Variants in TP73 observed in about 807,000 individuals in gnomAD.
The protein encoded by TP73 is p53-like transcription factor.
In TP73, 25 loss-of-function variants were observed where a neutral mutation model predicts 62.5. That is an observed-to-expected ratio of 0.40 (90% confidence interval 0.29 to 0.56). TP73 has a LOEUF of 0.56. Ranked by LOEUF, TP73 falls within the 20% of genes least tolerant of loss-of-function variation. The pLI, the probability that TP73 is intolerant of heterozygous loss-of-function variation, is 0.46. For missense variants in TP73, 754 were observed against 913.3 expected (o/e 0.83, Z 2.25); for synonymous variants, 423 against 377.5 (o/e 1.12, Z -1.40).
At chr1:3,684,738 T>C (rs1029478420) in intron 3 of TP73, among the ~76,000 whole-genome samples, 1 of 152,024 alleles carries the variant, frequency 6.6e-6, no homozygotes, top group African/African-American at 2.4e-5. Flanking sequence ...ATCTGAGGGT[T>C]CGACCGCCTG....
At chr1:3,691,718 G>A (rs1045103887) in intron 3 of TP73, among the ~76,000 whole-genome samples, 13 of 152,216 alleles carry the variant, frequency 8.5e-5, no homozygotes, top group Non-Finnish European at 1.9e-4. Flanking sequence ...ACGTGGGGCC[G>A]TTCCTCCTCC....
At chr1:3,669,114 G>A (rs1645184806) in intron 1 of TP73, among the ~76,000 whole-genome samples, 1 of 152,242 alleles carries the variant, frequency 6.6e-6, no homozygotes, top group Non-Finnish European at 1.5e-5. Flanking sequence ...GGAGCCAGCC[G>A]AGGGCCACTT....
chr1:3,713,173 C>A (rs184024625), intron 4 of TP73, among the ~76,000 whole-genome samples: 26 of 152,346 alleles, frequency 1.7e-4, no homozygotes, highest in African/African-American at 5.5e-4. Flanking sequence ...GGAGAGCTGT[C>A]CCTGTCTGCT....
At chr1:3,716,481 CAG>C (rs758526162) in intron 4 of TP73, among the ~76,000 whole-genome samples, 21 of 152,320 alleles carry the variant, frequency 1.4e-4, no homozygotes, top group Admixed American at 1.2e-3. Flanking sequence ...TGTTCTGAAA[CAG>C]GGGCGATTGC....
chr1:3,702,626 A>G (rs1219373462), intron 3 of TP73, among the ~76,000 whole-genome samples: 1 of 152,184 alleles, frequency 6.6e-6, no homozygotes, highest in Non-Finnish European at 1.5e-5. Context: ...CTGCCCCGCA[A>G]CAAGGCCCTG....
rs887810853 is a variant in TP73, at chr1:3,701,054, G to T, written c.187-6495G>T. 6.6e-6 allele frequency among the ~76,000 whole-genome samples: 1 copy of T among 152,170 alleles called. No individual in the cohort carries two copies. The highest frequency in any genetic ancestry group is 2.4e-5 in the African/African-American group (1 of 41,436). ...GCTTGGGGCTGTGGCCGACATGGCGGGCAGTGGCACACCGTGGCCACTTCC... is the reference window on the plus strand; with the variant it reads ...GCTTGGGGCTGTGGCCGACATGGCGTGCAGTGGCACACCGTGGCCACTTCC... On this transcript the variant is annotated intron_variant, in intron 3 of 13. Coordinates refer to ENST00000378295, the MANE Select transcript of TP73 (RefSeq NM_005427.4). The surrounding 1 kb of genome is among the most constrained non-coding windows in gnomAD (Gnocchi z 4.7).
intron 1 of TP73, among the ~76,000 whole-genome samples, chr1:3,679,204 C>T (rs10910008): frequency 2.5e-3 from 387 of 152,048 alleles, no homozygotes; most frequent in Non-Finnish European, 3.9e-3. Flanking sequence ...GAGAGGGTGT[C>T]GCTTCAGGGG....
chr1:3,721,038 CT>C (rs1641026662), intron 4 of TP73, among the ~76,000 whole-genome samples: 2 of 152,228 alleles, frequency 1.3e-5, no homozygotes, highest in African/African-American at 4.8e-5. Context: ...GGGATCATTC[CT>C]GATGGCCCTT....
chr1:3,731,701 T>A, intron 13 of TP73, 145 bp downstream of exon 13: 1 of 745,396 alleles, frequency 1.3e-6, no homozygotes, highest in Non-Finnish European at 2.2e-6. Context: ...ATGATTTGAC[T>A]CTTGAGAGCT....
At chr1:3,678,321 G>T (rs540059024) in intron 1 of TP73, among the ~76,000 whole-genome samples, 1 of 152,206 alleles carries the variant, frequency 6.6e-6, no homozygotes, top group Non-Finnish European at 1.5e-5. Flanking sequence ...AGGCGGCTGT[G>T]GGCAGAGGGC....
At chr1:3,668,291 C>A (rs1645165368) in intron 1 of TP73, among the ~76,000 whole-genome samples, 1 of 152,190 alleles carries the variant, frequency 6.6e-6, no homozygotes, top group African/African-American at 2.4e-5. Flanking sequence ...AGCCAACAGC[C>A]ATGAGTAGCT....
intron 3 of TP73, among the ~76,000 whole-genome samples, chr1:3,690,033 C>T (rs745673920): frequency 7.2e-5 from 11 of 152,190 alleles, no homozygotes; most frequent in Non-Finnish European, 1.3e-4. Context: ...GTGCCAAGGC[C>T]GTCCACGCCT....
Position 3,727,669 on chromosome 1 carries a change from G to A in TP73, c.884G>A (p.Cys295Tyr). Residue 295 changes from cysteine to tyrosine, a missense_variant, in exon 8 of 14, where the codon TGC (cysteine) becomes TAC (tyrosine). By Grantham distance (194) the Cys-to-Tyr change is radical. Transcript: ENST00000378295. ...LGRRSFEGRICACPGRDRKAD... is the reference protein window; with the variant it reads ...LGRRSFEGRIYACPGRDRKAD... Reference sequence around the variant, plus strand: ...CGCCGGTCCTTTGAGGGCCGCATCTGCGCCTGTCCTGGCCGCGACCGAAAA... The same window carrying A: ...CGCCGGTCCTTTGAGGGCCGCATCTACGCCTGTCCTGGCCGCGACCGAAAA... 3 of 1,598,902 alleles carry A rather than the reference G, an allele frequency of 1.9e-6. No homozygotes were observed. The highest frequency in any genetic ancestry group is 2.6e-6 in the Non-Finnish European group (3 of 1,175,190).
chr1:3,723,729 C>T (rs908908760), intron 6 of TP73, among the ~76,000 whole-genome samples: 2 of 152,252 alleles, frequency 1.3e-5, no homozygotes, highest in African/African-American at 4.8e-5. Flanking sequence ...GTGCCCAGCT[C>T]CATAGTGGGG....
At chr1:3,698,894 G>A (rs551422193) in intron 3 of TP73, among the ~76,000 whole-genome samples, 60 of 152,340 alleles carry the variant, frequency 3.9e-4, no homozygotes, top group African/African-American at 1.3e-3. Context: ...GGATAGCAGC[G>A]GTGGCCCTGG....
At chr1:3,695,799 G>C (rs1006247711) in intron 3 of TP73, among the ~76,000 whole-genome samples, 5 of 152,212 alleles carry the variant, frequency 3.3e-5, no homozygotes, top group Non-Finnish European at 7.4e-5. Flanking sequence ...ATAGACCACA[G>C]GGGGGCAGGG....
At chr1:3,719,849 G>T (rs1468556589) in intron 4 of TP73, among the ~76,000 whole-genome samples, 1 of 151,798 alleles carries the variant, frequency 6.6e-6, no homozygotes, top group Non-Finnish European at 1.5e-5. Context: ...GGGGTGGGCT[G>T]CTAGCTCTGC....
intron 3 of TP73, among the ~76,000 whole-genome samples, chr1:3,693,766 A>AGCCCTGCAGCCTCAGCCCCTCCT (rs1557520722): frequency 8.0e-6 from 1 of 125,260 alleles, no homozygotes; most frequent in Non-Finnish European, 1.7e-5. Flanking sequence ...CCACAATCCC[A>AGCCCTGCAGCCTCAGCCCCTCCT]CCCATGCAGC....
At chr1:3,722,275 G>A (rs558358641) in intron 5 of TP73, 68 bp downstream of exon 5, 9 of 1,562,028 alleles carry the variant, frequency 5.8e-6, no homozygotes, top group East Asian at 2.3e-5. Context: ...ACAGCCGGGG[G>A]CTGCCTAACT....
Sources: gnomAD v4.1 joint callset for allele counts (sites outside exome capture counted in the v4.1 genomes callset) on GRCh38, gnomAD v4.1.1 for gene constraint, Gnocchi (gnomAD v3.1) non-coding constraint, MANE v1.5 for transcripts, NCBI Gene and HGNC (gene_info 2026-07-23, HGNC 2026-07-21) for gene names.